CLPX: variants seen among roughly 807,000 people sequenced by gnomAD.
The protein encoded by CLPX is ATP-dependent clpX-like chaperone, mitochondrial.
CLPX carries 34 observed loss-of-function variants against 76.4 expected under a neutral mutation model. The ratio of observed to expected loss-of-function variants is 0.45; its 90% CI spans 0.34 to 0.59. The LOEUF (loss-of-function observed/expected upper bound fraction) is 0.59. Ranked by LOEUF, CLPX falls within the 20% of genes least tolerant of loss-of-function variation. CLPX has a pLI of 0.01. For missense variants in CLPX, 613 were observed against 757.0 expected, an observed-to-expected ratio of 0.81 and a Z score of 2.23; for synonymous variants, 248 against 270.9, an observed-to-expected ratio of 0.92 and a Z score of 0.83.
intron 13 of CLPX, 105 bp downstream of exon 13, chr15:65,152,325 A>C (rs1242065928): frequency 2.4e-6 from 1 of 422,332 alleles, no homozygotes; most frequent in African/African-American, 2.1e-5. Flanking sequence ...TTCCCTTAGA[A>C]ATATAATAAT....
At position 65,164,685 on chromosome 15, in the gene CLPX, G is replaced by A. The variant is rs76114560; in HGVS notation, c.514-497C>T. Among the ~76,000 whole-genome samples the A allele has an allele frequency of 5.7e-3, 872 of 152,176 alleles. 5 individuals carry two copies. Among genetic ancestry groups the A allele is most frequent in the Middle Eastern group, 0.014 (4 of 294 alleles). On this transcript the variant is annotated intron_variant, in intron 4 of 13. Coordinates refer to ENST00000300107, the MANE Select transcript of CLPX (RefSeq NM_006660.5). ...ATACTATCAGTATCTATGTGTTTTA[G>A]TAAATTTAATTTTTTCTCAGACATT...
At position 65,148,665 on chromosome 15, in the gene CLPX, G is replaced by T. The variant is rs543130118; in HGVS notation, c.*2158C>A. On this transcript the variant is annotated 3_prime_UTR_variant, in exon 14 of 14. Transcript: ENST00000300107. ...CCCAACTCTTCATCAACAAGATTTA[G>T]AATTTCCTAATAGCTTTAGTTTTTC... 6.6e-6 allele frequency: 1 copy of T among 151,436 alleles called. No individual in the cohort carries two copies. Among genetic ancestry groups the T allele is most frequent in the South Asian group, 2.1e-4 (1 of 4,798 alleles). 9.4% of individuals were successfully genotyped at this position (151,436 alleles called of 1,614,324 possible).
chr15:65,178,157 G>A (rs1320109760), intron 3 of CLPX, among the ~76,000 whole-genome samples: 2 of 152,074 alleles, frequency 1.3e-5, no homozygotes, highest in Non-Finnish European at 2.9e-5. Flanking sequence ...CCGGAATTGA[G>A]GGCTTACCTC....
At position 65,150,616 on chromosome 15, in the gene CLPX, T is replaced by C. The variant is rs996906024; in HGVS notation, c.*207A>G. 2.7e-6 allele frequency: 1 copy of C among 370,224 alleles called. No individual in the cohort carries two copies. The highest frequency in any genetic ancestry group is 2.1e-5 in the African/African-American group (1 of 47,954). 22.9% of individuals were successfully genotyped at this position (370,224 alleles called of 1,614,324 possible). A position where few individuals can be genotyped will look rare whatever the true frequency, so the allele number is the denominator to read the frequency against. ...TAATGTACATTTTATCTCTAAACAT[T>C]GTGTCATTAAAGTCCATATAACATC... On this transcript the variant is annotated 3_prime_UTR_variant, in exon 14 of 14. Coordinates refer to ENST00000300107, the MANE Select transcript of CLPX (RefSeq NM_006660.5).
chr15:65,155,401 C>T (rs1376495177), intron 10 of CLPX, among the ~76,000 whole-genome samples: 1 of 152,140 alleles, frequency 6.6e-6, no homozygotes, highest in East Asian at 1.9e-4. Context: ...AGGCACCCAC[C>T]ACTACTCCTG....
Position 65,152,956 on chromosome 15 carries a change from C to G in CLPX, c.1705-420G>C, listed in dbSNP as rs532159654. Among the ~76,000 whole-genome samples, 4 of 151,508 alleles carry G rather than the reference C, an allele frequency of 2.6e-5. No individual in the cohort carries two copies. The East Asian group carries it at 7.8e-4, about 30-fold the overall frequency. Reference sequence around the variant, plus strand: ...TTGAGAGATGAGGGTGTATGTTGCCCAGGCTGGTCTCAAACTCCTGGGCTC... The same window carrying G: ...TTGAGAGATGAGGGTGTATGTTGCCGAGGCTGGTCTCAAACTCCTGGGCTC... On this transcript the variant is annotated intron_variant, in intron 12 of 13. Coordinates refer to ENST00000300107, the MANE Select transcript of CLPX (RefSeq NM_006660.5).
intron 2 of CLPX, 146 bp downstream of exon 2, chr15:65,179,898 C>T: frequency 4.1e-6 from 2 of 489,768 alleles, no homozygotes; most frequent in Non-Finnish European, 6.7e-6. Flanking sequence ...AATGAAACAT[C>T]TAATTACATA....
intron 3 of CLPX, among the ~76,000 whole-genome samples, chr15:65,172,130 AT>A: frequency 6.6e-6 from 1 of 152,082 alleles, no homozygotes; most frequent in South Asian, 2.1e-4. Flanking sequence ...CACCCAGCTA[AT>A]TTTGTATTTT....
rs2087818378 is a variant in CLPX at position 65,158,577 on chromosome 15, G to A, written c.890C>T (p.Ser297Leu). 4 of 1,607,918 alleles carry A rather than the reference G, an allele frequency of 2.5e-6. No individual in the cohort carries two copies. Among genetic ancestry groups the A allele is most frequent in the Non-Finnish European group, 3.4e-6 (4 of 1,177,522 alleles). ...AATTTTCTCAGCAAGTTATTTACCT[G>A]ACCCAGTTGGTCCAAGCAGCAAAAT... Reference protein sequence around the residue: ...SNILLLGPTGSGKTLLAQTLA... With the variant: ...SNILLLGPTGLGKTLLAQTLA... The change falls in exon 7 of 14, where the codon TCA becomes TTA. Residue 297 changes from serine to leucine, a missense_variant and splice_region_variant. Coordinates refer to ENST00000300107, the MANE Select transcript of CLPX (RefSeq NM_006660.5).
rs1175759709 is a variant in CLPX at position 65,148,646 on chromosome 15, T to C, written c.*2177A>G. 2 of 151,894 alleles carry C rather than the reference T, an allele frequency of 1.3e-5. No homozygotes were observed. The highest frequency in any genetic ancestry group is 2.9e-5 in the Non-Finnish European group (2 of 68,006). 9.4% of individuals were successfully genotyped at this position (151,894 alleles called of 1,614,324 possible). A position where few individuals can be genotyped will look rare whatever the true frequency, so the allele number is the denominator to read the frequency against. On this transcript the variant is annotated 3_prime_UTR_variant, in exon 14 of 14. Transcript: ENST00000300107. ...TTAATTATATCAAAGAAAGCCCAAC[T>C]CTTCATCAACAAGATTTAGAATTTC... is the stretch of plus-strand genomic sequence containing the variant.
chr15:65,174,412 G>A (rs1002253471), intron 3 of CLPX, among the ~76,000 whole-genome samples: 34 of 151,810 alleles, frequency 2.2e-4, no homozygotes, highest in Non-Finnish European at 4.3e-4. Context: ...TTACAGGTAC[G>A]TGCCACCAAG....
intron 6 of CLPX, among the ~76,000 whole-genome samples, chr15:65,161,853 A>G (rs1020375070): frequency 6.6e-6 from 1 of 151,020 alleles, no homozygotes; most frequent in African/African-American, 2.5e-5. Flanking sequence ...GGATAATGTA[A>G]TTTTATTACA....
chr15:65,173,797 C>T (rs1030434284), intron 3 of CLPX, among the ~76,000 whole-genome samples: 1 of 152,022 alleles, frequency 6.6e-6, no homozygotes, highest in African/African-American at 2.4e-5. Context: ...TCGTATAATT[C>T]CATTGTATGA....
chr15:65,182,975 G>A (rs1320685910), intron 1 of CLPX, among the ~76,000 whole-genome samples: 3 of 150,518 alleles, frequency 2.0e-5, no homozygotes, highest in African/African-American at 7.3e-5. Flanking sequence ...CCAGCCTGAC[G>A]AACATGGCAA....
intron 3 of CLPX, among the ~76,000 whole-genome samples, chr15:65,174,163 C>T (rs1394802025): frequency 6.6e-6 from 1 of 151,966 alleles, no homozygotes; most frequent in African/African-American, 2.4e-5. Context: ...TTATTAGAGA[C>T]GGGGTTTCAC....
chr15:65,169,168 C>G (rs527593396), intron 3 of CLPX, among the ~76,000 whole-genome samples: 3 of 152,064 alleles, frequency 2.0e-5, no homozygotes, highest in South Asian at 4.2e-4. Context: ...GGACTACAGG[C>G]GCCTCTCGAT....
At chr15:65,157,984 T>C in intron 7 of CLPX, 74 bp from the exon 8 acceptor site, 2 of 1,282,830 alleles carry the variant, frequency 1.6e-6, no homozygotes, top group Non-Finnish European at 2.1e-6. Flanking sequence ...AAATGCAAAA[T>C]AAATTTTAGT....
chr15:65,157,999 T>C (rs2087810734), intron 7 of CLPX, 89 bp from the exon 8 acceptor site: 2 of 1,180,024 alleles, frequency 1.7e-6, no homozygotes, highest in Admixed American at 3.0e-5. Context: ...TTTAGTAGTA[T>C]ATAATAAAAA....
chr15:65,170,189 C>T (rs1336883159), intron 3 of CLPX, among the ~76,000 whole-genome samples: 1 of 152,142 alleles, frequency 6.6e-6, no homozygotes, highest in Admixed American at 6.5e-5. Flanking sequence ...CCTAACCCTA[C>T]TAATGGTAAC....
Sources: gnomAD v4.1 joint callset for allele counts (sites outside exome capture counted in the v4.1 genomes callset) on GRCh38, gnomAD v4.1.1 for gene constraint, MANE v1.5 for transcripts, NCBI Gene and HGNC (gene_info 2026-07-23, HGNC 2026-07-21) for gene names.